The following AGGF1 variants were observed in gnomAD, a reference collection of about 807,000 sequenced individuals.
AGGF1 encodes angiogenic factor with G patch and FHA domains 1.
In AGGF1, 56 loss-of-function variants were observed where a neutral mutation model predicts 86.5. That is an observed-to-expected ratio of 0.65 (90% CI 0.52 to 0.81). AGGF1 has a LOEUF of 0.81. AGGF1 is among the 30% of genes least tolerant of loss of function. The pLI is 0.00. For synonymous variants in AGGF1, 313 were observed against 297.1 expected (o/e 1.05, Z -0.55); for missense variants, 816 against 850.9 (o/e 0.96, Z 0.51).
At chr5:77,053,906 T>A in intron 9 of AGGF1, 59 bp from the exon 10 acceptor site, 4 of 1,524,716 alleles carry the variant, frequency 2.6e-6, no homozygotes, top group Middle Eastern at 2.1e-4. Context: ...TTACAGTAGA[T>A]GTAAGGTAAC....
At chr5:77,036,993 A>G (rs1289895528) in intron 4 of AGGF1, among the ~76,000 whole-genome samples, 1 of 152,202 alleles carries the variant, frequency 6.6e-6, no homozygotes, top group Non-Finnish European at 1.5e-5. Flanking sequence ...ACTGTATGAT[A>G]CATACTCAGT....
In AGGF1 at chr5:77,063,306, CTT is replaced by C; in HGVS notation, c.*55_*56del. ...TTTTTTTAAAAATAGAATTTGGAAA[CTT>C]ATTTTTTCTCCCCAAAAGAATCAGC... On this transcript the variant is annotated 3_prime_UTR_variant, in exon 14 of 14. Transcript: ENST00000312916. The C allele has an allele frequency of 6.6e-7, 1 of 1,511,518 alleles. No homozygotes were observed. The highest frequency in any genetic ancestry group is 1.4e-5 in the African/African-American group (1 of 71,942). The allele number at this position is 1,511,518 out of a possible 1,614,324, so 93.6% of individuals were successfully genotyped here.
At chr5:77,033,169 A>C (rs1371340844) in intron 1 of AGGF1, among the ~76,000 whole-genome samples, 1 of 152,170 alleles carries the variant, frequency 6.6e-6, no homozygotes, top group African/African-American at 2.4e-5. Flanking sequence ...GAGAGGGTGG[A>C]TTCGATTAAC....
chr5:77,047,667 C>T (rs758743366), intron 6 of AGGF1, among the ~76,000 whole-genome samples: 5 of 152,034 alleles, frequency 3.3e-5, no homozygotes, highest in Admixed American at 6.6e-5. Context: ...GCGCATGTCA[C>T]CACGCACACC....
intron 13 of AGGF1, among the ~76,000 whole-genome samples, chr5:77,062,849 A>T (rs561085207): frequency 2.4e-4 from 37 of 152,346 alleles, no homozygotes; most frequent in African/African-American, 8.2e-4. Flanking sequence ...ACTTATTGAC[A>T]AGGCAAGACA....
chr5:77,048,974 T>C lies in AGGF1; in HGVS notation c.1352T>C (p.Val451Ala). The C allele has an allele frequency of 1.2e-6, 2 of 1,613,750 alleles. No individual in the cohort carries two copies. The highest frequency in any genetic ancestry group is 2.2e-5 in the South Asian group (2 of 91,066). Residue 451 changes from valine (V) to alanine (A), a missense_variant, in exon 8 of 14, where the codon GTT becomes GCT. By Grantham distance (64) the Val-to-Ala change is moderately conservative. Transcript: ENST00000312916. ...GAACATACTCTCCGAATCCCTGAAG[T>C]TGGTGTCAGTAAGGTAAGCTCTTTG... is the stretch of plus-strand genomic sequence containing the variant. ...DMEHTLRIPE[V>A]GVSKFHAEIY...
chr5:77,039,456 G>A (rs1747024719), intron 4 of AGGF1, 75 bp from the exon 5 acceptor site: 2 of 1,091,412 alleles, frequency 1.8e-6, no homozygotes, highest in South Asian at 3.0e-5. Flanking sequence ...TACCACATTT[G>A]AATGTATTTG....
At position 77,048,172 on chromosome 5, in the gene AGGF1, A is replaced by G; in HGVS notation, c.1213A>G (p.Ile405Val). 6.2e-7 allele frequency: 1 copy of G among 1,611,350 alleles called. No homozygotes were observed. Among genetic ancestry groups the G allele is most frequent in the South Asian group, 1.1e-5 (1 of 91,026 alleles). The change falls in exon 7 of 14, where the codon ATT becomes GTT. Residue 405 changes from isoleucine to valine, a missense_variant. This residue lies in a region of AGGF1 where 565 missense variants were observed against 585.8 expected (regional missense o/e 0.96). Coordinates refer to ENST00000312916, the MANE Select transcript of AGGF1 (RefSeq NM_018046.5). Reference sequence around the variant, plus strand: ...TCTTTCCTTGGCAGATGAAGACAAAATTTGGCCCCCATGTATTAGAGTAAT... The same window carrying G: ...TCTTTCCTTGGCAGATGAAGACAAAGTTTGGCCCCCATGTATTAGAGTAAT... ...EDSEDEDEDK[I>V]WPPCIRVIVI...
intron 12 of AGGF1, among the ~76,000 whole-genome samples, chr5:77,060,260 G>A (rs905369343): frequency 6.6e-6 from 1 of 152,094 alleles, no homozygotes; most frequent in Non-Finnish European, 1.5e-5. Flanking sequence ...AAATACATGA[G>A]CACCTGTACT....
chr5:77,046,396 G>A lies in AGGF1; in HGVS notation c.920G>A (p.Cys307Tyr), dbSNP rs1313384193. The A allele has an allele frequency of 3.1e-6, 5 of 1,613,886 alleles. No individual in the cohort carries two copies. The highest frequency in any genetic ancestry group is 3.4e-6 in the Non-Finnish European group (4 of 1,179,986). ...QKAFSVEHTS[C>Y]NEEENFANMK... ...GCCTTCAGTGTTGAACATACAAGCT[G>A]CAATGAGGAAGAAAATTTCGCAAAT... The change falls in exon 6 of 14, where the codon TGC becomes TAC. Residue 307 changes from cysteine to tyrosine, a missense_variant. Physicochemically the swap from Cys to Tyr is radical, Grantham distance 194. Coordinates refer to ENST00000312916, the MANE Select transcript of AGGF1 (RefSeq NM_018046.5).
At chr5:77,046,208 A>G in intron 5 of AGGF1, 139 bp from the exon 6 acceptor site, 1 of 798,028 alleles carries the variant, frequency 1.3e-6, no homozygotes. Context: ...TGAGAAGGAG[A>G]GGGGGAACAG....
At chr5:77,032,363 C>A (rs1266427524) in intron 1 of AGGF1, among the ~76,000 whole-genome samples, 1 of 150,486 alleles carries the variant, frequency 6.6e-6, no homozygotes, top group African/African-American at 2.4e-5. Context: ...GTCAGAAGAT[C>A]GAGACCATCC....
In AGGF1 at chr5:77,046,504, A is replaced by C. The variant is rs772300589; in HGVS notation, c.1028A>C (p.Glu343Ala). The change falls in exon 6 of 14, where the codon GAG becomes GCG. Residue 343 changes from glutamate to alanine, a missense_variant. Physicochemically the swap from Glu to Ala is moderately radical, Grantham distance 107. This residue lies in a region of AGGF1 where 565 missense variants were observed against 585.8 expected (regional missense o/e 0.96). Transcript: ENST00000312916. ...VTVPTSGNTI[E>A]SPLHENISNS... ...GTTCCAACTAGTGGAAATACTATAGAGTCTCCTCTTCATGAAAACATCTCT... is the reference window on the plus strand; with the variant it reads ...GTTCCAACTAGTGGAAATACTATAGCGTCTCCTCTTCATGAAAACATCTCT... 1.1e-5 allele frequency: 17 copies of C among 1,613,996 alleles called. No individual in the cohort carries two copies. The highest frequency in any genetic ancestry group is 1.3e-5 in the African/African-American group (1 of 74,940).
intron 8 of AGGF1, 67 bp from the exon 9 acceptor site, chr5:77,052,639 C>A: frequency 2.7e-6 from 3 of 1,111,630 alleles, no homozygotes; most frequent in Non-Finnish European, 4.0e-6. Context: ...ATCATCATAT[C>A]ATACAGAAAT....
chr5:77,044,652 A>G (rs551434579), intron 5 of AGGF1, among the ~76,000 whole-genome samples: 1 of 152,342 alleles, frequency 6.6e-6, no homozygotes, highest in South Asian at 2.1e-4. Flanking sequence ...GTATATACAG[A>G]TAGGGAACTT....
rs1007550478 is a variant in AGGF1 at position 77,064,776 on chromosome 5, A to G, written c.*1524A>G. 1 of 152,220 alleles carries G rather than the reference A, an allele frequency of 6.6e-6. No homozygotes were observed. Among genetic ancestry groups the G allele is most frequent in the African/African-American group, 2.4e-5 (1 of 41,454 alleles). The allele number at this position is 152,220 out of a possible 1,614,324, so 9.4% of individuals were successfully genotyped here. ...TGGTTCTGGTGCTGGTGCCCTGTATATATGTAACAATATAGGACCCCTCCA... is the reference window on the plus strand; with the variant it reads ...TGGTTCTGGTGCTGGTGCCCTGTATGTATGTAACAATATAGGACCCCTCCA... On this transcript the variant is annotated 3_prime_UTR_variant, in exon 14 of 14. Transcript: ENST00000312916.
At chr5:77,062,870 A>G (rs1747585967) in intron 13 of AGGF1, among the ~76,000 whole-genome samples, 182 bp from the exon 14 acceptor site, 1 of 152,222 alleles carries the variant, frequency 6.6e-6, no homozygotes, top group African/African-American at 2.4e-5. Context: ...ACATAGAAAA[A>G]TGAATGTAAG....
At chr5:77,048,801 T>C in intron 7 of AGGF1, 135 bp from the exon 8 acceptor site, 3 of 841,416 alleles carry the variant, frequency 3.6e-6, no homozygotes, top group South Asian at 2.9e-5. Context: ...GTAAGGAAAC[T>C]GGATAATCCA....
chr5:77,045,106 A>G (rs981999570), intron 5 of AGGF1, among the ~76,000 whole-genome samples: 7 of 152,070 alleles, frequency 4.6e-5, no homozygotes, highest in Non-Finnish European at 8.8e-5. Context: ...AGATGCTCTC[A>G]TATTTTATAA....
Sources: allele counts gnomAD v4.1 joint callset (sites outside exome capture counted in the v4.1 genomes callset), GRCh38; gene constraint gnomAD v4.1.1; regional missense constraint gnomAD v4.1.1; transcripts MANE v1.5; gene names NCBI Gene and HGNC (gene_info 2026-07-23, HGNC 2026-07-21).